Variants in NXPH3 observed in about 807,000 individuals in gnomAD.
NXPH3 encodes neurexophilin 3.
In NXPH3, 7 loss-of-function variants were observed where a neutral mutation model predicts 18.8. The ratio of observed to expected loss-of-function variants is 0.37; its 90% CI spans 0.21 to 0.70. The LOEUF is 0.70. Among genes scored for constraint, NXPH3 ranks in the 30% least tolerant of loss-of-function variants. NXPH3 has a pLI of 0.53. For missense variants in NXPH3, 282 were observed against 338.1 expected, an observed-to-expected ratio of 0.83 and a Z score of 1.30; for synonymous variants, 101 against 137.3, an observed-to-expected ratio of 0.74 and a Z score of 1.85.
At position 49,576,041 on chromosome 17, in the gene NXPH3, G is replaced by A; in HGVS notation, c.-179G>A. The A allele has an allele frequency of 1.6e-6, 1 of 624,750 alleles. No individual in the cohort carries two copies. The highest frequency in any genetic ancestry group is 4.5e-4 in the Middle Eastern group (1 of 2,246). The allele number at this position is 624,750 out of a possible 1,614,324, so 38.7% of individuals were successfully genotyped here. A position where few individuals can be genotyped will look rare whatever the true frequency, so the allele number is the denominator to read the frequency against. On this transcript the variant is annotated 5_prime_UTR_variant, in exon 1 of 2. Coordinates refer to ENST00000328741, the MANE Select transcript of NXPH3 (RefSeq NM_007225.4). ...AGCTGGACCAGGGGAGGGGGGCGGC[G>A]GCTGCACAGCTGGACCGAAGGGGGC...
In NXPH3 at chr17:49,579,597, C is replaced by A; in HGVS notation, c.*297C>A. The A allele has an allele frequency of 2.4e-6, 1 of 419,480 alleles. No homozygotes were observed. Among genetic ancestry groups the A allele is most frequent in the South Asian group, 3.8e-5 (1 of 26,194 alleles). 26.0% of individuals were successfully genotyped at this position (419,480 alleles called of 1,614,324 possible). ...GAGCCACAGAGAGATGCTGGGTCCC[C>A]GAGGCCTGTGGGCAGGCCGATCAGT... is the stretch of plus-strand genomic sequence containing the variant. On this transcript the variant is annotated 3_prime_UTR_variant, in exon 2 of 2. Coordinates refer to ENST00000328741, the MANE Select transcript of NXPH3 (RefSeq NM_007225.4). The surrounding 1 kb of genome is among the most constrained non-coding windows in gnomAD (Gnocchi z 6.0).
rs184317939 is a variant in NXPH3 at position 49,578,688 on chromosome 17, G to A, written c.147G>A (p.Lys49=). Residue 49 remains lysine (K), a synonymous_variant, in exon 2 of 2, where the codon AAG becomes AAA. Coordinates refer to ENST00000328741, the MANE Select transcript of NXPH3 (RefSeq NM_007225.4). This position sits in a 1 kb window ranked among gnomAD's most constrained non-coding sequence, Gnocchi z 4.5. ...AGCCCCGGCCCCGGGTGCCTCGGAA[G>A]CGGGGCCACATCTCACCTAAGTCCC... The part of the protein sequence containing the change: ...EGQPRPRVPR[K]RGHISPKSRP... 1.2e-6 allele frequency: 2 copies of A among 1,612,948 alleles called. No homozygotes were observed. Among genetic ancestry groups the A allele is most frequent in the East Asian group, 4.5e-5 (2 of 44,872 alleles).
Position 49,581,858 on chromosome 17 carries a change from G to A in NXPH3, c.*2558G>A, listed in dbSNP as rs762737496. The A allele has an allele frequency of 4.8e-5, 33 of 687,424 alleles. 2 individuals are homozygous for A. The highest frequency in any genetic ancestry group is 1.7e-4 in the South Asian group (11 of 64,930). The allele number at this position is 687,424 out of a possible 1,614,324, so 42.6% of individuals were successfully genotyped here. On this transcript the variant is annotated 3_prime_UTR_variant, in exon 2 of 2. Transcript: ENST00000328741. ...CTCCTGTGGAGAGCCAGATGCTGGC[G>A]ACAGCTGGAGGGCCCGGCCTTCCTG...
chr17:49,577,861 A>G (rs2071578735), intron 1 of NXPH3: 1 of 152,230 alleles, frequency 6.6e-6, no homozygotes, highest in African/African-American at 2.4e-5. Context: ...TGGGTGTGGC[A>G]TTCACTCCGG....
chr17:49,579,625 G>A lies in NXPH3; in HGVS notation c.*325G>A, dbSNP rs2071590149. On this transcript the variant is annotated 3_prime_UTR_variant, in exon 2 of 2. Coordinates refer to ENST00000328741, the MANE Select transcript of NXPH3 (RefSeq NM_007225.4). The surrounding 1 kb of genome is among the most constrained non-coding windows in gnomAD (Gnocchi z 6.0). ...GGCCTGTGGGCAGGCCGATCAGTGTGGCCCCAGATCAAGTCATGGGAGGAA... is the reference window on the plus strand; with the variant it reads ...GGCCTGTGGGCAGGCCGATCAGTGTAGCCCCAGATCAAGTCATGGGAGGAA... 3.0e-6 allele frequency: 1 copy of A among 337,716 alleles called. No homozygotes were observed. The highest frequency in any genetic ancestry group is 2.1e-5 in the African/African-American group (1 of 48,420). The allele number at this position is 337,716 out of a possible 1,614,324, so 20.9% of individuals were successfully genotyped here.
Position 49,581,565 on chromosome 17 carries a change from G to A in NXPH3, c.*2265G>A, listed in dbSNP as rs969340887. 1.5e-6 allele frequency: 1 copy of A among 685,344 alleles called. No homozygotes were observed. Among genetic ancestry groups the A allele is most frequent in the South Asian group, 1.5e-5 (1 of 65,026 alleles). The allele number at this position is 685,344 out of a possible 1,614,324, so 42.5% of individuals were successfully genotyped here. A position where few individuals can be genotyped will look rare whatever the true frequency, so the allele number is the denominator to read the frequency against. On this transcript the variant is annotated 3_prime_UTR_variant, in exon 2 of 2. Coordinates refer to ENST00000328741, the MANE Select transcript of NXPH3 (RefSeq NM_007225.4). ...GTTTCCCCCACATCATGCTTCCAGG[G>A]GCCGTCTCTCCTGAGTGGAGATGTG...
chr17:49,576,174 C>G lies in NXPH3; in HGVS notation c.-46C>G. The G allele has an allele frequency of 6.4e-7, 1 of 1,553,378 alleles. No individual in the cohort carries two copies. The highest frequency in any genetic ancestry group is 1.2e-5 in the South Asian group (1 of 84,216). On this transcript the variant is annotated 5_prime_UTR_variant, in exon 1 of 2. Coordinates refer to ENST00000328741, the MANE Select transcript of NXPH3 (RefSeq NM_007225.4). ...AGGAAGGGGAAGGAGGCCTGGGACCCCGAAAAGAGAAGGGGAGAGCGAGGG... is the reference window on the plus strand; with the variant it reads ...AGGAAGGGGAAGGAGGCCTGGGACCGCGAAAAGAGAAGGGGAGAGCGAGGG...
rs2071568912 is a variant in NXPH3, at chr17:49,576,041, G to T, written c.-179G>T. On this transcript the variant is annotated 5_prime_UTR_variant, in exon 1 of 2. Transcript: ENST00000328741. ...AGCTGGACCAGGGGAGGGGGGCGGC[G>T]GCTGCACAGCTGGACCGAAGGGGGC... 1.1e-5 allele frequency: 7 copies of T among 624,750 alleles called. No homozygotes were observed. The highest frequency in any genetic ancestry group is 4.5e-4 in the Middle Eastern group (1 of 2,246). The allele number at this position is 624,750 out of a possible 1,614,324, so 38.7% of individuals were successfully genotyped here. A position where few individuals can be genotyped will look rare whatever the true frequency, so the allele number is the denominator to read the frequency against.
At chr17:49,577,364 G>A (rs902631926) in intron 1 of NXPH3, among the ~76,000 whole-genome samples, 1 of 152,188 alleles carries the variant, frequency 6.6e-6, no homozygotes, top group Non-Finnish European at 1.5e-5. Context: ...CCACCCCAGT[G>A]TCACCACCAA....
In NXPH3 at chr17:49,578,236, G is replaced by A. The variant is rs554291472; in HGVS notation, c.55-360G>A. ...GATGATGCTTCTGCAATTAGATGGG[G>A]GCTCCCCAAGATCAGAAGCTGGGCT... On this transcript the variant is annotated intron_variant, in intron 1 of 1. Transcript: ENST00000328741. The surrounding 1 kb of genome is among the most constrained non-coding windows in gnomAD (Gnocchi z 4.5). 3.3e-5 allele frequency among the ~76,000 whole-genome samples: 5 copies of A among 152,312 alleles called. No individual in the cohort carries two copies. The South Asian group carries it at 1.0e-3, about 32-fold the overall frequency.
In NXPH3 at chr17:49,582,501, A is replaced by T. The variant is rs2071605856; in HGVS notation, c.*3201A>T. On this transcript the variant is annotated 3_prime_UTR_variant, in exon 2 of 2. Transcript: ENST00000328741. The stretch of plus-strand genomic sequence containing the variant: ...TTACCAGGCTGGGGGTTCTTTAAGG[A>T]CACAGCTTGGATCTCCCCATCAGGC... The T allele has an allele frequency of 6.6e-6, 1 of 152,314 alleles. No homozygotes were observed. Among genetic ancestry groups the T allele is most frequent in the African/African-American group, 2.4e-5 (1 of 41,398 alleles). 9.4% of individuals were successfully genotyped at this position (152,314 alleles called of 1,614,324 possible).
chr17:49,579,346 C>T lies in NXPH3; in HGVS notation c.*46C>T. ...CCAGGCCAGGGCTGGAAGGACAGGC[C>T]TGCCCATGCAGGAGACCATCTGGAC... On this transcript the variant is annotated 3_prime_UTR_variant, in exon 2 of 2. Transcript: ENST00000328741. This position sits in a 1 kb window ranked among gnomAD's most constrained non-coding sequence, Gnocchi z 6.0. 1 of 1,510,630 alleles carries T rather than the reference C, an allele frequency of 6.6e-7. No individual in the cohort carries two copies. The allele number at this position is 1,510,630 out of a possible 1,614,324, so 93.6% of individuals were successfully genotyped here. A position where few individuals can be genotyped will look rare whatever the true frequency, so the allele number is the denominator to read the frequency against.
chr17:49,582,965 C>CG lies in NXPH3; in HGVS notation c.*3668dup, dbSNP rs1292112667. 6.6e-6 allele frequency: 1 copy of CG among 152,244 alleles called. No homozygotes were observed. Among genetic ancestry groups the CG allele is most frequent in the African/African-American group, 2.4e-5 (1 of 41,440 alleles). The allele number at this position is 152,244 out of a possible 1,614,324, so 9.4% of individuals were successfully genotyped here. A position where few individuals can be genotyped will look rare whatever the true frequency, so the allele number is the denominator to read the frequency against. ...CCTTCCCTTTCCTGGGATGAGCAAG[C>CG]GGGAACTGAGTCACCCTGTTCCCCA... On this transcript the variant is annotated 3_prime_UTR_variant, in exon 2 of 2. Transcript: ENST00000328741.
rs2071587497 is a variant in NXPH3 at position 49,579,219 on chromosome 17, C to T, written c.678C>T (p.Tyr226=). 6.2e-7 allele frequency: 1 copy of T among 1,607,830 alleles called. No homozygotes were observed. The highest frequency in any genetic ancestry group is 8.5e-7 in the Non-Finnish European group (1 of 1,180,014). Residue 226 remains tyrosine (Y), a synonymous_variant, in exon 2 of 2, where the codon TAC becomes TAT. Coordinates refer to ENST00000328741, the MANE Select transcript of NXPH3 (RefSeq NM_007225.4). The surrounding 1 kb of genome is among the most constrained non-coding windows in gnomAD (Gnocchi z 6.0). The part of the protein sequence containing the change: ...FKVVCVYIAF[Y]STDYRLVQKV... ...TCGTCTGTGTCTACATCGCCTTCTACAGCACGGACTATCGGCTGGTCCAGA... is the reference window on the plus strand; with the variant it reads ...TCGTCTGTGTCTACATCGCCTTCTATAGCACGGACTATCGGCTGGTCCAGA...
chr17:49,578,566 C>T lies in NXPH3; in HGVS notation c.55-30C>T. Reference sequence around the variant, plus strand: ...GGGTGGTGGACCTCCAGGGACAGGGCTCTCACTGTACTCACAACTCCCTCC... The same window carrying T: ...GGGTGGTGGACCTCCAGGGACAGGGTTCTCACTGTACTCACAACTCCCTCC... On this transcript the variant is annotated intron_variant, in intron 1 of 1. Coordinates refer to ENST00000328741, the MANE Select transcript of NXPH3 (RefSeq NM_007225.4). The surrounding 1 kb of genome is among the most constrained non-coding windows in gnomAD (Gnocchi z 4.5). 2.0e-6 allele frequency: 3 copies of T among 1,500,102 alleles called. No individual in the cohort carries two copies. The highest frequency in any genetic ancestry group is 1.3e-5 in the South Asian group (1 of 75,394). 92.9% of individuals were successfully genotyped at this position (1,500,102 alleles called of 1,614,324 possible).
chr17:49,581,442 G>A lies in NXPH3; in HGVS notation c.*2142G>A, dbSNP rs568017596. 7 of 601,176 alleles carry A rather than the reference G, an allele frequency of 1.2e-5. No individual in the cohort carries two copies. Among genetic ancestry groups the A allele is most frequent in the African/African-American group, 1.9e-5 (1 of 54,044 alleles). 37.2% of individuals were successfully genotyped at this position (601,176 alleles called of 1,614,324 possible). Reference sequence around the variant, plus strand: ...CCACCTTTCGCCCCTGCCCACCAGCGCTCCGCGCAAACTGGTCCCCTCATA... The same window carrying A: ...CCACCTTTCGCCCCTGCCCACCAGCACTCCGCGCAAACTGGTCCCCTCATA... On this transcript the variant is annotated 3_prime_UTR_variant, in exon 2 of 2. Coordinates refer to ENST00000328741, the MANE Select transcript of NXPH3 (RefSeq NM_007225.4).
chr17:49,576,083 G>T lies in NXPH3; in HGVS notation c.-137G>T. ...GAAGGGGGCGGGGTCGGCCCTGGGCGACCCGCTGAGGGGAGGGCCGCGGGC... is the reference window on the plus strand; with the variant it reads ...GAAGGGGGCGGGGTCGGCCCTGGGCTACCCGCTGAGGGGAGGGCCGCGGGC... On this transcript the variant is annotated 5_prime_UTR_variant, in exon 1 of 2. Transcript: ENST00000328741. 7.6e-6 allele frequency: 8 copies of T among 1,049,890 alleles called. No individual in the cohort carries two copies. Among genetic ancestry groups the T allele is most frequent in the South Asian group, 2.9e-5 (2 of 68,752 alleles). The allele number at this position is 1,049,890 out of a possible 1,614,324, so 65.0% of individuals were successfully genotyped here.
rs1448262399 is a variant in NXPH3, at chr17:49,576,066, C to T, written c.-154C>T. The stretch of plus-strand genomic sequence containing the variant: ...GGCTGCACAGCTGGACCGAAGGGGG[C>T]GGGGTCGGCCCTGGGCGACCCGCTG... On this transcript the variant is annotated 5_prime_UTR_variant, in exon 1 of 2. Transcript: ENST00000328741. 2.6e-6 allele frequency: 2 copies of T among 758,234 alleles called. No homozygotes were observed. Among genetic ancestry groups the T allele is most frequent in the Non-Finnish European group, 2.1e-6 (1 of 477,596 alleles). 47.0% of individuals were successfully genotyped at this position (758,234 alleles called of 1,614,324 possible).
rs2537730 is a variant in NXPH3 at position 49,580,462 on chromosome 17, A to C, written c.*1162A>C. 0.82 allele frequency: 124,656 copies of C among 152,256 alleles called. 51,789 individuals carry two copies. Among genetic ancestry groups the C allele is most frequent in the East Asian group, 1 (5,162 of 5,168 alleles). The allele number at this position is 152,256 out of a possible 1,614,324, so 9.4% of individuals were successfully genotyped here. Reference sequence around the variant, plus strand: ...TTTGCTTGAGACCCAAGTGGCAGGGATCCAACCGCCCTTGGCGCTGATGTT... The same window carrying C: ...TTTGCTTGAGACCCAAGTGGCAGGGCTCCAACCGCCCTTGGCGCTGATGTT... On this transcript the variant is annotated 3_prime_UTR_variant, in exon 2 of 2. Transcript: ENST00000328741.
Sources: gnomAD v4.1 joint callset for allele counts (sites outside exome capture counted in the v4.1 genomes callset) on GRCh38, gnomAD v4.1.1 for gene constraint, Gnocchi (gnomAD v3.1) non-coding constraint, MANE v1.5 for transcripts, NCBI Gene and HGNC (gene_info 2026-07-23, HGNC 2026-07-21) for gene names.